Variants in KCNIP3 observed in about 807,000 individuals in gnomAD.
KCNIP3 encodes the protein potassium voltage-gated channel interacting protein 3, also known as calsenilin.
KCNIP3 carries 28 observed loss-of-function variants against 35.0 expected under a neutral mutation model. The ratio of observed to expected loss-of-function variants is 0.80; its 90% CI spans 0.59 to 1.10. The LOEUF (loss-of-function observed/expected upper bound fraction) is 1.10. Among genes scored for constraint, KCNIP3 ranks in the 50% least tolerant of loss-of-function variants. The pLI is 0.00. For missense variants in KCNIP3, 295 were observed against 338.4 expected (o/e 0.87, Z 1.01); for synonymous variants, 134 against 133.8 (o/e 1.00, Z -0.01).
Position 95,338,532 on chromosome 2 carries a change from C to T in KCNIP3, c.181+28012C>T, listed in dbSNP as rs1679115851. ...AAAGATGGTTTCCTAAAAGCCCTAC[C>T]CAGTGGTTTCTACTTATGACCCATT... On this transcript the variant is annotated intron_variant, in intron 2 of 8. Coordinates refer to ENST00000295225, the MANE Select transcript of KCNIP3 (RefSeq NM_013434.5). Among the ~76,000 whole-genome samples the T allele has an allele frequency of 2.6e-5, 4 of 152,228 alleles. No homozygotes were observed. In the South Asian group the frequency reaches 6.2e-4, roughly 24 times the overall value.
intron 1 of KCNIP3, among the ~76,000 whole-genome samples, chr2:95,304,017 AGT>A (rs1678110744): frequency 6.6e-6 from 1 of 152,250 alleles, no homozygotes; most frequent in Non-Finnish European, 1.5e-5. Flanking sequence ...TTTGGAACCC[AGT>A]GTGTGTTTAC....
intron 2 of KCNIP3, among the ~76,000 whole-genome samples, chr2:95,327,942 G>A (rs1282798960): frequency 1.3e-5 from 2 of 152,236 alleles, no homozygotes; most frequent in African/African-American, 2.4e-5. Context: ...TAAACTTGCC[G>A]TAGAATCTGC....
chr2:95,337,882 G>A (rs188960478), intron 2 of KCNIP3, among the ~76,000 whole-genome samples: 6 of 152,312 alleles, frequency 3.9e-5, no homozygotes, highest in East Asian at 1.9e-4. Context: ...ATAGAAAGGC[G>A]GGCAGCTAGG....
intron 2 of KCNIP3, among the ~76,000 whole-genome samples, chr2:95,369,055 G>T (rs6712299): frequency 0.48 from 72,347 of 151,938 alleles, 19,381 homozygotes; most frequent in Non-Finnish European, 0.6. Flanking sequence ...CTTTTTTCTT[G>T]GGGGGGAAAC....
chr2:95,301,730 C>T (rs796407549), intron 1 of KCNIP3, among the ~76,000 whole-genome samples: 17 of 152,152 alleles, frequency 1.1e-4, no homozygotes, highest in African/African-American at 3.4e-4. Context: ...CCTGGGTTAA[C>T]GTGACACCCT....
At chr2:95,337,395 T>A (rs1456291841) in intron 2 of KCNIP3, among the ~76,000 whole-genome samples, 1 of 151,944 alleles carries the variant, frequency 6.6e-6, no homozygotes, top group East Asian at 1.9e-4. Flanking sequence ...GTTGGAACCT[T>A]CTTTTCCTGG....
intron 2 of KCNIP3, among the ~76,000 whole-genome samples, chr2:95,334,480 C>T (rs1679009048): frequency 6.6e-6 from 1 of 152,222 alleles, no homozygotes; most frequent in African/African-American, 2.4e-5. Flanking sequence ...CGTCACTATC[C>T]TCCCCTCTTG....
chr2:95,307,358 G>T (rs1269901151), intron 1 of KCNIP3, among the ~76,000 whole-genome samples: 4 of 152,244 alleles, frequency 2.6e-5, no homozygotes. Context: ...GACCCAGGCC[G>T]AGAAACAGCC....
At chr2:95,344,282 G>C (rs1229031034) in intron 2 of KCNIP3, among the ~76,000 whole-genome samples, 1 of 149,992 alleles carries the variant, frequency 6.7e-6, no homozygotes, top group African/African-American at 2.5e-5. Flanking sequence ...GGTGGGGGGG[G>C]GCACATGGGG....
intron 2 of KCNIP3, among the ~76,000 whole-genome samples, chr2:95,348,355 C>T (rs1270734268): frequency 4.6e-5 from 7 of 152,180 alleles, no homozygotes; most frequent in South Asian, 2.1e-4. Context: ...GAGGGGTGAG[C>T]GTCCTGTGCT....
chr2:95,346,947 C>T, intron 2 of KCNIP3: 1 of 1,089,728 alleles, frequency 9.2e-7, no homozygotes, highest in Non-Finnish European at 1.3e-6. Context: ...CTGCAGGGGC[C>T]CCGGTGCCTC....
chr2:95,368,852 A>G (rs1465397915), intron 2 of KCNIP3: 2 of 197,058 alleles, frequency 1.0e-5, no homozygotes, highest in African/African-American at 2.3e-5. Context: ...ACTGTCCCTC[A>G]GCTTCCAGGT....
intron 2 of KCNIP3, among the ~76,000 whole-genome samples, chr2:95,334,852 A>G (rs1360370807): frequency 6.6e-6 from 1 of 152,228 alleles, no homozygotes. Context: ...CTGGCAGAAC[A>G]GATGGGGACT....
At chr2:95,326,336 T>A (rs1237815260) in intron 2 of KCNIP3, among the ~76,000 whole-genome samples, 1 of 151,514 alleles carries the variant, frequency 6.6e-6, no homozygotes, top group Non-Finnish European at 1.5e-5. Context: ...ACACATATAC[T>A]CACATGTGCA....
chr2:95,383,123 A>AAACACCCCC, intron 7 of KCNIP3, 109 bp from the exon 8 acceptor site: 1 of 238,788 alleles, frequency 4.2e-6, no homozygotes, highest in Non-Finnish European at 8.4e-6. Context: ...CCACCCGCCC[A>AAACACCCCC]TCCACCCACC....
At position 95,330,744 on chromosome 2, in the gene KCNIP3, C is replaced by T. The variant is rs1678908327; in HGVS notation, c.181+20224C>T. Among the ~76,000 whole-genome samples, 3 of 152,210 alleles carry T rather than the reference C, an allele frequency of 2.0e-5. No homozygotes were observed. In the South Asian group the frequency reaches 6.2e-4, roughly 32 times the overall value. On this transcript the variant is annotated intron_variant, in intron 2 of 8. Coordinates refer to ENST00000295225, the MANE Select transcript of KCNIP3 (RefSeq NM_013434.5). ...TTCACTGGGCTGGCACTGATCCCTC[C>T]TCTGCTCTCTGGTCTGAGAACATCC...
chr2:95,382,479 G>A lies in KCNIP3; in HGVS notation c.658G>A (p.Glu220Lys), dbSNP rs756024630. Residue 220 changes from glutamate to lysine, a missense_variant and splice_region_variant, in exon 7 of 9, where the codon GAG becomes AAG. Transcript: ENST00000295225. The surrounding 1 kb of genome is among the most constrained non-coding windows in gnomAD (Gnocchi z 4.5). ...GGCGGAGCACGTGGAGAGGTTCTTC[G>A]AGGTGAGCGAGCGCCAGCCCTGCCT... ...APAEHVERFFEKMDRNQDGVV... is the reference protein window; with the variant it reads ...APAEHVERFFKKMDRNQDGVV... The A allele has an allele frequency of 1.9e-6, 3 of 1,600,134 alleles. No individual in the cohort carries two copies. The highest frequency in any genetic ancestry group is 1.1e-5 in the South Asian group (1 of 89,306).
chr2:95,358,758 A>G lies in KCNIP3; in HGVS notation c.182-15538A>G, dbSNP rs1455351815. 5.9e-5 allele frequency among the ~76,000 whole-genome samples: 9 copies of G among 152,232 alleles called. No homozygotes were observed. The East Asian group carries it at 1.7e-3, about 29-fold the overall frequency. ...GAGTAAGAGGGGCAAAACTACTCTC[A>G]TGGTAACAAACCCACTTCTGCAGTA... On this transcript the variant is annotated intron_variant, in intron 2 of 8. Coordinates refer to ENST00000295225, the MANE Select transcript of KCNIP3 (RefSeq NM_013434.5).
chr2:95,310,450 C>T lies in KCNIP3; in HGVS notation c.111C>T (p.Leu37=), dbSNP rs1678283096. ...KEGIKWQRPR[L]SRQALMRCCL... is the part of the protein sequence containing the mutation. ...GTATCAAGTGGCAGAGGCCGAGGCT[C>T]AGCCGCCAGGCTTTGATGAGATGCT... Residue 37 remains leucine (L), a synonymous_variant, in exon 2 of 9, where the codon CTC becomes CTT. Transcript: ENST00000295225. The T allele has an allele frequency of 1.9e-6, 3 of 1,613,794 alleles. No homozygotes were observed. In the African/African-American group the frequency reaches 4.0e-5, roughly 22 times the overall value.
Sources: allele counts gnomAD v4.1 joint callset (sites outside exome capture counted in the v4.1 genomes callset), GRCh38; gene constraint gnomAD v4.1.1; non-coding constraint Gnocchi (gnomAD v3.1); transcripts MANE v1.5; gene names NCBI Gene and HGNC (gene_info 2026-07-23, HGNC 2026-07-21).